The following MMUT variants were observed in gnomAD, a reference collection of about 807,000 sequenced individuals.
The protein encoded by MMUT is methylmalonyl-CoA mutase, mitochondrial.
A neutral mutation model predicts 79.9 loss-of-function variants in MMUT; 79 were observed. The observed-to-expected ratio is 0.99, with a 90% CI of 0.82 to 1.19. The LOEUF is 1.19. Among genes scored for constraint, MMUT ranks in the 50% most tolerant of loss-of-function variants. MMUT has a pLI of 0.00. For synonymous variants in MMUT, 273 were observed against 295.7 expected (o/e 0.92, Z 0.79); for missense variants, 860 against 917.2 (o/e 0.94, Z 0.81).
intron 3 of MMUT, 51 bp from the exon 4 acceptor site, chr6:49,456,288 T>C (rs1480782763): frequency 2.1e-5 from 26 of 1,210,378 alleles, no homozygotes; most frequent in Non-Finnish European, 3.2e-5. Context: ...TATTAAAAGG[T>C]CCTATTAAAT....
intron 5 of MMUT, 57 bp downstream of exon 5, chr6:49,453,527 AG>A (rs374178242): frequency 3.7e-4 from 348 of 941,618 alleles, no homozygotes; most frequent in African/African-American, 1.4e-3. Flanking sequence ...CACATTGCTC[AG>A]AAAAAATATA....
rs1407914109 is a variant in MMUT, at chr6:49,453,620, G to A, written c.1048C>T (p.His350Tyr). The change falls in exon 5 of 13, where the codon CAC becomes TAC. Residue 350 changes from histidine (H) to tyrosine (Y), a missense_variant. Transcript: ENST00000274813. Reference sequence around the variant, plus strand: ...AGTGACCATCCAGATGTCTGACAGTGTGCTCTTAGAAGAAGAGATTTTGAG... The same window carrying A: ...AGTGACCATCCAGATGTCTGACAGTATGCTCTTAGAAGAAGAGATTTTGAG... ...KNSKSLLLRA[H>Y]CQTSGWSLTE... 3 of 1,612,278 alleles carry A rather than the reference G, an allele frequency of 1.9e-6. No individual in the cohort carries two copies. Among genetic ancestry groups the A allele is most frequent in the Non-Finnish European group, 2.5e-6 (3 of 1,178,840 alleles).
At chr6:49,435,024 A>G (rs1767085567) in intron 12 of MMUT, among the ~76,000 whole-genome samples, 1 of 152,180 alleles carries the variant, frequency 6.6e-6, no homozygotes, top group South Asian at 2.1e-4. Context: ...CAAGCAAACT[A>G]AAGGACTCAT....
chr6:49,458,129 A>G, intron 2 of MMUT, 71 bp from the exon 3 acceptor site: 1 of 1,465,868 alleles, frequency 6.8e-7, no homozygotes, highest in Non-Finnish European at 9.3e-7. Flanking sequence ...TACTTTTAAC[A>G]CTACTAAAAA....
intron 5 of MMUT, among the ~76,000 whole-genome samples, chr6:49,453,039 GT>G (rs5876116): frequency 2.8e-4 from 33 of 116,200 alleles, no homozygotes; most frequent in South Asian, 5.8e-4. Context: ...TTCTTTCTTT[GT>G]TTTTTTTTTT....
chr6:49,442,801 C>T (rs1379702990), intron 9 of MMUT, among the ~76,000 whole-genome samples: 1 of 151,990 alleles, frequency 6.6e-6, no homozygotes, highest in Non-Finnish European at 1.5e-5. Flanking sequence ...GCATTAGGAA[C>T]ACGGCATAGT....
chr6:49,456,498 G>A (rs1767694644), intron 3 of MMUT, among the ~76,000 whole-genome samples: 1 of 152,114 alleles, frequency 6.6e-6, no homozygotes, highest in Admixed American at 6.5e-5. Flanking sequence ...TAACCATTCT[G>A]AAAGTTTAAA....
chr6:49,437,612 TG>T (rs1767164966), intron 11 of MMUT, among the ~76,000 whole-genome samples: 1 of 152,164 alleles, frequency 6.6e-6, no homozygotes, highest in African/African-American at 2.4e-5. Flanking sequence ...ATTTAATTCC[TG>T]GAGGCCTCAT....
intron 2 of MMUT, among the ~76,000 whole-genome samples, chr6:49,458,777 C>A (rs1349749032): frequency 6.6e-6 from 1 of 152,210 alleles, no homozygotes; most frequent in Non-Finnish European, 1.5e-5. Context: ...GCTATCCCAA[C>A]AATGTTAATT....
intron 7 of MMUT, 109 bp downstream of exon 7, chr6:49,448,700 ACCCAAGT>A (rs1767472196): frequency 2.4e-6 from 2 of 838,092 alleles, no homozygotes; most frequent in African/African-American, 3.4e-5. Context: ...GAAAAAATTT[ACCCAAGT>A]TCCATTTTTC....
At position 49,459,111 on chromosome 6, in the gene MMUT, C is replaced by T. The variant is rs1767768403; in HGVS notation, c.356G>A (p.Ser119Asn). ...QYAGFSTVEE[S>N]NKFYKDNIKA... ...AATGTTGTCCTTATAGAACTTATTG[C>T]TTTCTTCCACAGTACTAAAACCAGC... The change falls in exon 2 of 13, where the codon AGC (serine) becomes AAC (asparagine). Residue 119 changes from serine to asparagine, a missense_variant. Coordinates refer to ENST00000274813, the MANE Select transcript of MMUT (RefSeq NM_000255.4). The T allele has an allele frequency of 3.1e-6, 5 of 1,613,968 alleles. No homozygotes were observed. Among genetic ancestry groups the T allele is most frequent in the Non-Finnish European group, 4.2e-6 (5 of 1,179,998 alleles).
intron 8 of MMUT, among the ~76,000 whole-genome samples, chr6:49,446,532 A>G (rs1767413867): frequency 6.6e-6 from 1 of 151,858 alleles, no homozygotes; most frequent in African/African-American, 2.4e-5. Flanking sequence ...TATACTATAA[A>G]CTTGAGCAAC....
chr6:49,431,390 T>C lies in MMUT; in HGVS notation c.*338A>G. 1 of 178,062 alleles carries C rather than the reference T, an allele frequency of 5.6e-6. No individual in the cohort carries two copies. The highest frequency in any genetic ancestry group is 1.6e-4 in the East Asian group (1 of 6,402). 11.0% of individuals were successfully genotyped at this position (178,062 alleles called of 1,614,324 possible). A position where few individuals can be genotyped will look rare whatever the true frequency, so the allele number is the denominator to read the frequency against. ...AGTCAGAGTTTTTTTAGGTACAGTT[T>C]AATTCTTAATATAAAAAGTAAACAG... On this transcript the variant is annotated 3_prime_UTR_variant, in exon 13 of 13. Transcript: ENST00000274813.
chr6:49,459,531 A>AGCGGAGCTTGCAGTGAGCCGAGATTGCG, intron 1 of MMUT, 26 bp from the exon 2 acceptor site: 2 of 1,559,526 alleles, frequency 1.3e-6, no homozygotes, highest in Non-Finnish European at 8.7e-7. Flanking sequence ...TAGAGTAAAA[A>AGCGGAGCTTGCAGTGAGCCGAGATTGCG]CATTTAGAAG....
chr6:49,449,451 G>C (rs1767494450), intron 6 of MMUT, among the ~76,000 whole-genome samples: 1 of 152,056 alleles, frequency 6.6e-6, no homozygotes, highest in African/African-American at 2.4e-5. Flanking sequence ...ATTCAAGAAA[G>C]AAGAATCTAT....
chr6:49,451,760 G>A, intron 5 of MMUT, 46 bp from the exon 6 acceptor site: 1 of 1,581,592 alleles, frequency 6.3e-7, no homozygotes, highest in Non-Finnish European at 8.7e-7. Context: ...ACAGGTGATA[G>A]ATATTGCAAC....
chr6:49,436,591 C>T (rs529712268), intron 11 of MMUT, among the ~76,000 whole-genome samples: 5 of 143,668 alleles, frequency 3.5e-5, no homozygotes, highest in East Asian at 2.0e-4. Flanking sequence ...GATGAAAGAG[C>T]GAGACTCTGT....
Position 49,443,967 on chromosome 6 carries a change from G to C in MMUT, c.1676+672C>G, listed in dbSNP as rs571793662. 2.5e-3 allele frequency among the ~76,000 whole-genome samples: 382 copies of C among 152,198 alleles called. 1 individual carries two copies. The highest frequency in any genetic ancestry group is 8.6e-3 in the African/African-American group (357 of 41,534). The stretch of plus-strand genomic sequence containing the variant: ...GTGGTCAATAATGTTAAATACTGTA[G>C]AGAATTCAAGATAAGGACTAAAAAT... On this transcript the variant is annotated intron_variant, in intron 9 of 12. Transcript: ENST00000274813.
intron 3 of MMUT, among the ~76,000 whole-genome samples, chr6:49,456,999 C>T (rs1767705767): frequency 6.6e-6 from 1 of 152,152 alleles, no homozygotes; most frequent in African/African-American, 2.4e-5. Flanking sequence ...ATGCTTGCTA[C>T]ACAATGCTTG....
Sources: gnomAD v4.1 joint callset for allele counts (sites outside exome capture counted in the v4.1 genomes callset) on GRCh38, gnomAD v4.1.1 for gene constraint, MANE v1.5 for transcripts, NCBI Gene and HGNC (gene_info 2026-07-23, HGNC 2026-07-21) for gene names.